The following COG7 variants were observed in gnomAD, a reference collection of about 807,000 sequenced individuals.
COG7 encodes conserved oligomeric Golgi complex subunit 7.
Under a neutral mutation model 91.5 loss-of-function variants are expected in COG7, and 49 were observed. That is an observed-to-expected ratio of 0.54 (90% CI 0.43 to 0.68). The LOEUF (loss-of-function observed/expected upper bound fraction) is 0.68, where lower values mean the gene tolerates loss of function less well. Ranked by LOEUF, COG7 falls within the 30% of genes least tolerant of loss-of-function variation. The pLI is 0.00. For synonymous variants in COG7, 365 were observed against 388.7 expected (o/e 0.94, Z 0.72); for missense variants, 895 against 961.3 (o/e 0.93, Z 0.91).
At chr16:23,447,886 G>T (rs779755832) in intron 1 of COG7, among the ~76,000 whole-genome samples, 7 of 151,900 alleles carry the variant, frequency 4.6e-5, no homozygotes, top group Non-Finnish European at 7.4e-5. Flanking sequence ...GCAACAGAGT[G>T]AGACTCCATC....
Position 23,392,374 on chromosome 16 carries a change from A to T in COG7, c.2146+6T>A. ...CCCTCCCACCGCCTGTCTTGTGGGG[A>T]CCCACCGATGTCAGTGGCCAGCTGC... On this transcript the variant is annotated splice_donor_region_variant and intron_variant, in intron 16 of 16. Transcript: ENST00000307149. 1 of 1,614,094 alleles carries T rather than the reference A, an allele frequency of 6.2e-7. No individual in the cohort carries two copies. Among genetic ancestry groups the T allele is most frequent in the Non-Finnish European group, 8.5e-7 (1 of 1,180,032 alleles).
Position 23,453,151 on chromosome 16 carries a change from C to T in COG7, c.-157G>A. The T allele has an allele frequency of 7.0e-7, 1 of 1,426,796 alleles. No homozygotes were observed. The highest frequency in any genetic ancestry group is 2.6e-4 in the Middle Eastern group (1 of 3,916). 88.4% of individuals were successfully genotyped at this position (1,426,796 alleles called of 1,614,324 possible). A position where few individuals can be genotyped will look rare whatever the true frequency, so the allele number is the denominator to read the frequency against. On this transcript the variant is annotated 5_prime_UTR_variant, in exon 1 of 17. Transcript: ENST00000307149. ...GGGTAACTTGCCCCTTTGCGCTTCCCCGCTCAGCGCACTCAGTTTGCGGCT... is the reference window on the plus strand; with the variant it reads ...GGGTAACTTGCCCCTTTGCGCTTCCTCGCTCAGCGCACTCAGTTTGCGGCT...
At chr16:23,418,442 C>G (rs1295211203) in intron 8 of COG7, among the ~76,000 whole-genome samples, 2 of 152,084 alleles carry the variant, frequency 1.3e-5, no homozygotes, top group African/African-American at 4.8e-5. Context: ...GAGATCAAGG[C>G]TGCAGTGAGT....
intron 16 of COG7, among the ~76,000 whole-genome samples, chr16:23,391,178 C>G (rs942274646): frequency 6.6e-6 from 1 of 152,178 alleles, no homozygotes; most frequent in South Asian, 2.1e-4. Context: ...AGAACTACAG[C>G]TGGCACACAG....
chr16:23,424,983 T>TG, intron 6 of COG7, 36 bp from the exon 7 acceptor site: 1 of 1,555,124 alleles, frequency 6.4e-7, no homozygotes, highest in Non-Finnish European at 8.8e-7. Context: ...CCTTAGCACA[T>TG]GGAGCCAAAT....
chr16:23,390,892 C>T (rs1344805663), intron 16 of COG7, among the ~76,000 whole-genome samples: 1 of 152,252 alleles, frequency 6.6e-6, no homozygotes, highest in Non-Finnish European at 1.5e-5. Flanking sequence ...ACCGTGAGCT[C>T]CACTTGACTG....
In COG7 at chr16:23,424,876, C is replaced by T. The variant is rs368339990; in HGVS notation, c.882G>A (p.Leu294=). The change falls in exon 7 of 17, where the codon CTG becomes CTA. Residue 294 remains leucine, a synonymous_variant. Coordinates refer to ENST00000307149, the MANE Select transcript of COG7 (RefSeq NM_153603.4). ...CCACGCCGTTGCTGAGGCAGGAGGG[C>T]AGCGAGGGCATGAGGGCCCCCAGGG... is the stretch of plus-strand genomic sequence containing the variant. ...IQTLGALMPS[L]PSCLSNGVER... The T allele has an allele frequency of 1.8e-5, 29 of 1,614,206 alleles. No individual in the cohort carries two copies. The African/African-American group carries it at 2.5e-4, about 14-fold the overall frequency.
intron 6 of COG7, among the ~76,000 whole-genome samples, chr16:23,430,673 C>T (rs2142085372): frequency 6.6e-6 from 1 of 151,904 alleles, no homozygotes; most frequent in Middle Eastern, 3.4e-3. Flanking sequence ...TCCCAAGTAG[C>T]TGGGATTACA....
intron 12 of COG7, among the ~76,000 whole-genome samples, chr16:23,404,044 G>T (rs1461317493): frequency 6.6e-6 from 1 of 152,224 alleles, no homozygotes; most frequent in African/African-American, 2.4e-5. Flanking sequence ...GAGTTCACTG[G>T]GGTTGGAGCC....
chr16:23,437,723 A>G (rs1964033297), intron 4 of COG7, among the ~76,000 whole-genome samples: 1 of 152,224 alleles, frequency 6.6e-6, no homozygotes, highest in African/African-American at 2.4e-5. Flanking sequence ...ACACACAAAC[A>G]TGAATCAGCA....
chr16:23,389,147 C>T, intron 16 of COG7, 61 bp from the exon 17 acceptor site: 5 of 1,576,426 alleles, frequency 3.2e-6, no homozygotes, highest in Non-Finnish European at 4.3e-6. Context: ...CAGGTCAGAG[C>T]CCCACAGGGC....
chr16:23,424,598 AAAGCCC>A, intron 7 of COG7, 145 bp downstream of exon 7: 1 of 795,792 alleles, frequency 1.3e-6, no homozygotes, highest in Non-Finnish European at 2.1e-6. Flanking sequence ...TTTTCATGGA[AAAGCCC>A]TCCACATCTG....
chr16:23,389,007 G>T lies in COG7; in HGVS notation c.2226C>A (p.Thr742=). The T allele has an allele frequency of 6.2e-7, 1 of 1,614,120 alleles. No individual in the cohort carries two copies. Among genetic ancestry groups the T allele is most frequent in the Non-Finnish European group, 8.5e-7 (1 of 1,180,024 alleles). ...TGACCTGTCTATAGTCCTCAGGCCT[G>T]GTCTTCAGTAGCGTCACGATGTGCT... The part of the protein sequence containing the change: ...TLQHIVTLLK[T]RPEDYRQVSK... The change falls in exon 17 of 17, where the codon ACC becomes ACA. Residue 742 remains threonine (T), a synonymous_variant. Coordinates refer to ENST00000307149, the MANE Select transcript of COG7 (RefSeq NM_153603.4).
chr16:23,418,411 A>G (rs1232911131), intron 8 of COG7, among the ~76,000 whole-genome samples: 1 of 152,136 alleles, frequency 6.6e-6, no homozygotes, highest in Non-Finnish European at 1.5e-5. Context: ...AGGCTGAGGC[A>G]GGAGGATCAC....
chr16:23,392,079 T>C, intron 16 of COG7: 1 of 1,299,022 alleles, frequency 7.7e-7, no homozygotes, highest in South Asian at 1.5e-5. Context: ...ATGGCACAAA[T>C]GGAGCGGGCC....
At chr16:23,447,553 G>C (rs945728678) in intron 1 of COG7, among the ~76,000 whole-genome samples, 3 of 151,710 alleles carry the variant, frequency 2.0e-5, no homozygotes, top group Admixed American at 6.6e-5. Context: ...TCCCTGCATA[G>C]CACTCTAACC....
intron 11 of COG7, among the ~76,000 whole-genome samples, chr16:23,409,824 T>C (rs766651418): frequency 6.6e-6 from 1 of 152,154 alleles, no homozygotes; most frequent in Non-Finnish European, 1.5e-5. Flanking sequence ...TCCCCTTTGA[T>C]ACACAGCCCT....
In COG7 at chr16:23,398,969, A is replaced by G. The variant is rs148639679; in HGVS notation, c.1804-840T>C. Among the ~76,000 whole-genome samples the G allele has an allele frequency of 6.2e-3, 946 of 152,230 alleles. 14 individuals carry two copies. Among genetic ancestry groups the G allele is most frequent in the African/African-American group, 0.022 (909 of 41,532 alleles). On this transcript the variant is annotated intron_variant, in intron 13 of 16. Coordinates refer to ENST00000307149, the MANE Select transcript of COG7 (RefSeq NM_153603.4). Reference sequence around the variant, plus strand: ...CTTCAGAGTGGCACACCTTCACACAAAAATCTCGCTTCTTACTTCCAACCT... The same window carrying G: ...CTTCAGAGTGGCACACCTTCACACAGAAATCTCGCTTCTTACTTCCAACCT...
rs1963206181 is a variant in COG7, at chr16:23,392,080, G to A, written c.2146+300C>T. 18 of 1,301,400 alleles carry A rather than the reference G, an allele frequency of 1.4e-5. No homozygotes were observed. The South Asian group carries it at 2.5e-4, about 18-fold the overall frequency. 80.6% of individuals were successfully genotyped at this position (1,301,400 alleles called of 1,614,324 possible). On this transcript the variant is annotated intron_variant, in intron 16 of 16. Coordinates refer to ENST00000307149, the MANE Select transcript of COG7 (RefSeq NM_153603.4). Reference sequence around the variant, plus strand: ...ACTGGTTGGGAATTATGGCACAAATGGAGCGGGCCAGGTGGGGCCAGGCTG... The same window carrying A: ...ACTGGTTGGGAATTATGGCACAAATAGAGCGGGCCAGGTGGGGCCAGGCTG...
Sources: gnomAD v4.1 joint callset for allele counts (sites outside exome capture counted in the v4.1 genomes callset) on GRCh38, gnomAD v4.1.1 for gene constraint, MANE v1.5 for transcripts, NCBI Gene and HGNC (gene_info 2026-07-23, HGNC 2026-07-21) for gene names.